Variants in MCPH1 observed in about 807,000 individuals in gnomAD.
MCPH1 encodes microcephalin.
MCPH1 carries 104 observed loss-of-function variants against 84.5 expected under a neutral mutation model. The ratio of observed to expected loss-of-function variants is 1.23; its 90% CI spans 1.05 to 1.45. The LOEUF (loss-of-function observed/expected upper bound fraction) is 1.45, where lower values mean the gene tolerates loss of function less well. MCPH1 is among the 40% of genes most tolerant of loss of function. The pLI is 0.00. For synonymous variants in MCPH1, 514 were observed against 366.8 expected, an observed-to-expected ratio of 1.40 and a Z score of -4.58; for missense variants, 1,498 against 1,005.7, an observed-to-expected ratio of 1.49 and a Z score of -6.62.
chr8:6,600,197 C>G (rs181997741), intron 12 of MCPH1, among the ~76,000 whole-genome samples: 1 of 152,240 alleles, frequency 6.6e-6, no homozygotes, highest in African/African-American at 2.4e-5. Context: ...TCTGCAAAAC[C>G]TACTCATCCT....
intron 12 of MCPH1, among the ~76,000 whole-genome samples, chr8:6,582,368 C>G (rs141892383): frequency 3.6e-4 from 55 of 152,290 alleles, no homozygotes; most frequent in African/African-American, 1.3e-3. Context: ...GTTGAGGAAA[C>G]TGGAGCTTAG....
chr8:6,411,662 TTTA>T (rs1374011960), intron 2 of MCPH1, among the ~76,000 whole-genome samples: 5 of 152,364 alleles, frequency 3.3e-5, no homozygotes, highest in African/African-American at 4.8e-5. Context: ...GTGCGTGATT[TTTA>T]TTATAATACA....
At chr8:6,465,921 A>G (rs7817926) in intron 9 of MCPH1, among the ~76,000 whole-genome samples, 33 of 109,820 alleles carry the variant, frequency 3.0e-4, no homozygotes, top group African/African-American at 9.5e-4. Flanking sequence ...AATTTTATCT[A>G]TCGATCCATC....
intron 12 of MCPH1, among the ~76,000 whole-genome samples, chr8:6,571,449 G>A (rs1586672145): frequency 6.6e-6 from 1 of 152,080 alleles, no homozygotes; most frequent in Non-Finnish European, 1.5e-5. Flanking sequence ...AAACTCCGTT[G>A]CTTCTAAAAA....
chr8:6,485,702 G>A (rs1350151405), intron 11 of MCPH1, among the ~76,000 whole-genome samples: 1 of 152,088 alleles, frequency 6.6e-6, no homozygotes, highest in Non-Finnish European at 1.5e-5. Context: ...TTGGGAGATT[G>A]CGAAGGCTCA....
At chr8:6,560,368 A>G (rs973647798) in intron 12 of MCPH1, among the ~76,000 whole-genome samples, 3 of 152,184 alleles carry the variant, frequency 2.0e-5, no homozygotes, top group Non-Finnish European at 4.4e-5. Flanking sequence ...ATTCCATTTT[A>G]TATTATTTTC....
intron 12 of MCPH1, among the ~76,000 whole-genome samples, chr8:6,608,850 T>C (rs1830003989): frequency 6.6e-6 from 1 of 152,194 alleles, no homozygotes; most frequent in Admixed American, 6.5e-5. Flanking sequence ...TAACAATCAC[T>C]AATGCCTAGG....
At chr8:6,457,350 T>G (rs1039352472) in intron 9 of MCPH1, among the ~76,000 whole-genome samples, 1 of 151,620 alleles carries the variant, frequency 6.6e-6, no homozygotes, top group Non-Finnish European at 1.5e-5. Flanking sequence ...CCCGGTACTT[T>G]GGGGCGGGCG....
At chr8:6,477,496 T>G (rs889359801) in intron 9 of MCPH1, 98 bp from the exon 10 acceptor site, 3 of 1,084,252 alleles carry the variant, frequency 2.8e-6, no homozygotes, top group Non-Finnish European at 2.8e-6. Flanking sequence ...TTTTAAGTGA[T>G]GTAACTTTTC....
chr8:6,607,537 C>G (rs978721453), intron 12 of MCPH1, among the ~76,000 whole-genome samples: 1 of 152,208 alleles, frequency 6.6e-6, no homozygotes, highest in Non-Finnish European at 1.5e-5. Flanking sequence ...ATCTTTCCTT[C>G]CCTACTGATA....
intron 12 of MCPH1, among the ~76,000 whole-genome samples, chr8:6,539,715 T>C (rs1821190350): frequency 6.6e-6 from 1 of 152,182 alleles, no homozygotes; most frequent in Admixed American, 6.5e-5. Context: ...GCTTCCCAAG[T>C]AGCTGGGGTT....
intron 3 of MCPH1, among the ~76,000 whole-genome samples, chr8:6,422,574 C>T (rs1488898974): frequency 6.6e-6 from 1 of 152,226 alleles, no homozygotes; most frequent in Non-Finnish European, 1.5e-5. Flanking sequence ...GCCCCTGACT[C>T]ATTCTCTATC....
intron 10 of MCPH1, among the ~76,000 whole-genome samples, chr8:6,480,299 A>G (rs1809033117): frequency 6.6e-6 from 1 of 151,636 alleles, no homozygotes; most frequent in African/African-American, 2.4e-5. Flanking sequence ...TAATTTTTGT[A>G]GTTTTTAGTA....
intron 12 of MCPH1, among the ~76,000 whole-genome samples, chr8:6,545,087 A>T (rs1360595124): frequency 6.6e-6 from 1 of 152,094 alleles, no homozygotes; most frequent in Non-Finnish European, 1.5e-5. Flanking sequence ...ACACCCTAGG[A>T]GTGCTTACTA....
At chr8:6,524,664 T>C (rs1431466282) in intron 12 of MCPH1, among the ~76,000 whole-genome samples, 3 of 152,172 alleles carry the variant, frequency 2.0e-5, no homozygotes, top group African/African-American at 4.8e-5. Context: ...TGAACCATAG[T>C]CTTAAGCCTG....
intron 12 of MCPH1, among the ~76,000 whole-genome samples, chr8:6,539,530 A>G (rs1398667059): frequency 6.6e-6 from 1 of 151,994 alleles, no homozygotes. Context: ...TCTTTTAAGC[A>G]CTTCCTGAAA....
chr8:6,417,574 A>C (rs149542432), intron 3 of MCPH1, among the ~76,000 whole-genome samples: 1 of 151,384 alleles, frequency 6.6e-6, no homozygotes, highest in Non-Finnish European at 1.5e-5. Flanking sequence ...TTTTTTCTCC[A>C]TCAAATCCAT....
rs553561169 is a variant in MCPH1, at chr8:6,566,789, T to C, written c.2215-54665T>C. 8.1e-5 allele frequency among the ~76,000 whole-genome samples: 10 copies of C among 123,250 alleles called. No homozygotes were observed. In the East Asian group the frequency reaches 2.8e-3, roughly 35 times the overall value. 80.9% of individuals were successfully genotyped at this position (123,250 alleles called of 152,430 possible). On this transcript the variant is annotated intron_variant, in intron 12 of 13. Transcript: ENST00000344683. ...TTGGCATGACCATCGACAGTGCTTA[T>C]GGTGTGGTGACCGTGTGTGATCCGC...
In MCPH1 at chr8:6,445,206, CT is replaced by C. The variant is rs1387473165; in HGVS notation, c.1486del (p.Ser496ArgfsTer4). ...ACTGGAAATGGTGAAGGCCGTGCAA[CT>C]TCGAGTTGCGTGACTTCTGCCCCTG... ...RKTGNGEGRA[T>X]SSCVTSAPEE... On this transcript the variant is annotated frameshift_variant, in exon 8 of 14. Transcript: ENST00000344683. LOFTEE classifies it high-confidence loss of function. The C allele has an allele frequency of 6.2e-7, 1 of 1,614,134 alleles. No homozygotes were observed. Among genetic ancestry groups the C allele is most frequent in the Non-Finnish European group, 8.5e-7 (1 of 1,180,062 alleles).
Sources: gnomAD v4.1 joint callset for allele counts (sites outside exome capture counted in the v4.1 genomes callset) on GRCh38, gnomAD v4.1.1 for gene constraint, MANE v1.5 for transcripts, NCBI Gene and HGNC (gene_info 2026-07-23, HGNC 2026-07-21) for gene names.